PCDHGB5: variants seen among roughly 807,000 people sequenced by gnomAD.
PCDHGB5 encodes protocadherin gamma subfamily B, 5.
In PCDHGB5, 48 loss-of-function variants were observed where a neutral mutation model predicts 62.9. The ratio of observed to expected loss-of-function variants is 0.76; its 90% CI spans 0.61 to 0.97. PCDHGB5 has a LOEUF of 0.97. Ranked by LOEUF, PCDHGB5 falls within the 50% of genes least tolerant of loss-of-function variation. PCDHGB5 has a pLI of 0.00. For missense variants in PCDHGB5, 1,118 were observed against 1,198.6 expected, an observed-to-expected ratio of 0.93 and a Z score of 0.99; for synonymous variants, 474 against 511.2, an observed-to-expected ratio of 0.93 and a Z score of 0.98.
At chr5:141,497,719 T>C (rs1311566820) in intron 2 of PCDHGB5, among the ~76,000 whole-genome samples, 2 of 152,076 alleles carry the variant, frequency 1.3e-5, no homozygotes, top group Non-Finnish European at 2.9e-5. Context: ...TTTGTATTTT[T>C]AGTAGAGATG....
intron 1 of PCDHGB5, among the ~76,000 whole-genome samples, chr5:141,492,968 C>T: frequency 6.6e-6 from 1 of 152,240 alleles, no homozygotes; most frequent in East Asian, 1.9e-4. Flanking sequence ...GACACTCTAA[C>T]AAGTCCTGTC....
intron 2 of PCDHGB5, among the ~76,000 whole-genome samples, chr5:141,503,568 C>T (rs1357099545): frequency 6.9e-6 from 1 of 144,390 alleles, no homozygotes; most frequent in Non-Finnish European, 1.5e-5. Context: ...CACTGTACTC[C>T]AGCCTGGGTG....
intron 1 of PCDHGB5, among the ~76,000 whole-genome samples, chr5:141,429,759 C>T (rs1233949322): frequency 6.6e-6 from 1 of 151,946 alleles, no homozygotes; most frequent in East Asian, 1.9e-4. Flanking sequence ...GAATTTTTTC[C>T]CTATATTTTG....
chr5:141,463,135 C>G (rs1352400365), intron 1 of PCDHGB5, among the ~76,000 whole-genome samples: 1 of 152,128 alleles, frequency 6.6e-6, no homozygotes, highest in African/African-American at 2.4e-5. Flanking sequence ...GGCAGTTCTT[C>G]GCCCAGCTGC....
At chr5:141,509,544 A>AT (rs1312201678) in intron 3 of PCDHGB5, among the ~76,000 whole-genome samples, 1 of 152,150 alleles carries the variant, frequency 6.6e-6, no homozygotes, top group Non-Finnish European at 1.5e-5. Context: ...GCACCATCTC[A>AT]TTTAGTCCTC....
Position 141,398,155 on chromosome 5 carries a change from C to G in PCDHGB5, c.28C>G (p.Arg10Gly), listed in dbSNP as rs1238092530. Residue 10 changes from arginine (R) to glycine (G), a missense_variant, in exon 1 of 4, where the codon CGG (arginine) becomes GGG (glycine). By Grantham distance (125) the Arg-to-Gly change is moderately radical. Transcript: ENST00000617380. Reference sequence around the variant, plus strand: ...GGGGAGCGGCGCCGGGGAGCTGGGCCGGGCTGAGAGGCTGCCAGTGCTCTT... The same window carrying G: ...GGGGAGCGGCGCCGGGGAGCTGGGCGGGGCTGAGAGGCTGCCAGTGCTCTT... MGSGAGELG[R>G]AERLPVLFLF... The G allele has an allele frequency of 1.3e-5, 19 of 1,492,684 alleles. No homozygotes were observed. The highest frequency in any genetic ancestry group is 1.7e-5 in the Non-Finnish European group (19 of 1,125,496). The allele number at this position is 1,492,684 out of a possible 1,614,324, so 92.5% of individuals were successfully genotyped here.
Position 141,400,090 on chromosome 5 carries a change from A to G in PCDHGB5, c.1963A>G (p.Thr655Ala). 1 of 1,614,064 alleles carries G rather than the reference A, an allele frequency of 6.2e-7. No individual in the cohort carries two copies. Among genetic ancestry groups the G allele is most frequent in the Non-Finnish European group, 8.5e-7 (1 of 1,179,902 alleles). ...ACAGCCGCCACTCTCCGCCACCGCC[A>G]CGCTGCACTTGGTCTTTGCTGACAG... The part of the protein sequence containing the change: ...GGQPPLSATA[T>A]LHLVFADSLQ... Residue 655 changes from threonine to alanine, a missense_variant, in exon 1 of 4, where the codon ACG becomes GCG. Physicochemically the swap from Thr to Ala is moderately conservative, Grantham distance 58. Transcript: ENST00000617380.
At chr5:141,410,583 G>A (rs1257322419) in intron 1 of PCDHGB5, 1 of 1,610,052 alleles carries the variant, frequency 6.2e-7, no homozygotes, top group African/African-American at 1.3e-5. Context: ...CCTCATGGTG[G>A]GGAGGATTTG....
Position 141,476,977 on chromosome 5 carries a change from C to A in PCDHGB5, c.2398-17830C>A, listed in dbSNP as rs141692339. On this transcript the variant is annotated intron_variant, in intron 1 of 3. Coordinates refer to ENST00000617380, the MANE Select transcript of PCDHGB5 (RefSeq NM_018925.3). The surrounding 1 kb of genome is among the most constrained non-coding windows in gnomAD (Gnocchi z 7.6). The stretch of plus-strand genomic sequence containing the variant: ...TTATTTACTCCTTCGGCAGCCACAA[C>A]CGCGCCGGCGTGCGGCAACTATTCG... 6.2e-7 allele frequency: 1 copy of A among 1,614,232 alleles called. No individual in the cohort carries two copies. The highest frequency in any genetic ancestry group is 8.5e-7 in the Non-Finnish European group (1 of 1,180,040).
chr5:141,427,829 G>C, intron 1 of PCDHGB5: 1 of 1,538,520 alleles, frequency 6.5e-7, no homozygotes. Flanking sequence ...TGGTCGCGCA[G>C]CGTGCCTTCG....
chr5:141,422,239 G>C (rs2096636040), intron 1 of PCDHGB5: 3 of 1,566,586 alleles, frequency 1.9e-6, no homozygotes, highest in East Asian at 4.5e-5. Context: ...GTTGATCACT[G>C]TTGTGGATGT....
At position 141,399,872 on chromosome 5, in the gene PCDHGB5, A is replaced by G. The variant is rs759178048; in HGVS notation, c.1745A>G (p.Tyr582Cys). Reference sequence around the variant, plus strand: ...GTGCCGCGCGCTGCAGAGCCCGGCTACCTGGTGACCAAGGTAGTGGCCGTG... The same window carrying G: ...GTGCCGCGCGCTGCAGAGCCCGGCTGCCTGGTGACCAAGGTAGTGGCCGTG... ...DMVPRAAEPG[Y>C]LVTKVVAVDA... The change falls in exon 1 of 4, where the codon TAC becomes TGC. Residue 582 changes from tyrosine (Y) to cysteine (C), a missense_variant. Tyr to Cys is a radical substitution (Grantham distance 194, BLOSUM62 -2). This residue lies in a region of PCDHGB5 where 1,034 missense variants were observed against 1,029.1 expected (regional missense o/e 1.00). Transcript: ENST00000617380. The G allele has an allele frequency of 1.2e-6, 2 of 1,612,652 alleles. No individual in the cohort carries two copies. The highest frequency in any genetic ancestry group is 1.7e-6 in the Non-Finnish European group (2 of 1,179,800).
At position 141,490,649 on chromosome 5, in the gene PCDHGB5, G is replaced by C. The variant is rs1428223995; in HGVS notation, c.2398-4158G>C. 1 of 1,614,148 alleles carries C rather than the reference G, an allele frequency of 6.2e-7. No homozygotes were observed. Among genetic ancestry groups the C allele is most frequent in the Admixed American group, 1.7e-5 (1 of 60,018 alleles). On this transcript the variant is annotated intron_variant, in intron 1 of 3. Coordinates refer to ENST00000617380, the MANE Select transcript of PCDHGB5 (RefSeq NM_018925.3). The surrounding 1 kb of genome is among the most constrained non-coding windows in gnomAD (Gnocchi z 5.4). ...TACATCCTAGAAAACCGGCCTCCGG[G>C]CTCCCTTCTTTGCACTGTGGCTGCC...
chr5:141,475,202 G>T (rs746895166), intron 1 of PCDHGB5, among the ~76,000 whole-genome samples: 38 of 152,086 alleles, frequency 2.5e-4, no homozygotes, highest in Non-Finnish European at 5.3e-4. Context: ...CAAGATCTTG[G>T]GAAAAGGATT....
chr5:141,406,477 A>G (rs1233914824), intron 1 of PCDHGB5, among the ~76,000 whole-genome samples: 1 of 152,166 alleles, frequency 6.6e-6, no homozygotes, highest in Non-Finnish European at 1.5e-5. Flanking sequence ...TTGAGGTTAT[A>G]TTTTTCAGAT....
chr5:141,423,756 GGGGGTGGGGC>G, intron 1 of PCDHGB5: 1 of 448,620 alleles, frequency 2.2e-6, no homozygotes, highest in Non-Finnish European at 3.0e-6. Context: ...TGTTTGGGGG[GGGGGTGGGGC>G]GGCATATATT....
In PCDHGB5 at chr5:141,485,576, C is replaced by T. The variant is rs1347032247; in HGVS notation, c.2398-9231C>T. ...GAATGATCACGCCCCCCGTTTTCCG[C>T]GGCAGCAGCTGGACTTGGAAATTGG... On this transcript the variant is annotated intron_variant, in intron 1 of 3. Transcript: ENST00000617380. The surrounding 1 kb of genome is among the most constrained non-coding windows in gnomAD (Gnocchi z 5.7). 21 of 1,612,296 alleles carry T rather than the reference C, an allele frequency of 1.3e-5. 1 individual carries two copies. Among genetic ancestry groups the T allele is most frequent in the Non-Finnish European group, 1.8e-5 (21 of 1,178,636 alleles).
At position 141,489,088 on chromosome 5, in the gene PCDHGB5, GAC is replaced by G; in HGVS notation, c.2398-5718_2398-5717del. 5.8e-6 allele frequency: 2 copies of G among 347,236 alleles called. No homozygotes were observed. The highest frequency in any genetic ancestry group is 4.7e-5 in the East Asian group (1 of 21,502). The allele number at this position is 347,236 out of a possible 1,614,324, so 21.5% of individuals were successfully genotyped here. A position where few individuals can be genotyped will look rare whatever the true frequency, so the allele number is the denominator to read the frequency against. ...CCCCTGCCCACCCCCGCCACTCGGT[GAC>G]TAAGAACTGCTGCAAGCAGGCAAAC... On this transcript the variant is annotated intron_variant, in intron 1 of 3. Transcript: ENST00000617380. The surrounding 1 kb of genome is among the most constrained non-coding windows in gnomAD (Gnocchi z 4.5).
At chr5:141,427,570 C>T (rs1487817661) in intron 1 of PCDHGB5, 1 of 662,270 alleles carries the variant, frequency 1.5e-6, no homozygotes, top group Admixed American at 2.1e-5. Context: ...GGCAAGCCTC[C>T]GCTCTCATCC....
Sources: gnomAD v4.1 joint callset for allele counts (sites outside exome capture counted in the v4.1 genomes callset) on GRCh38, gnomAD v4.1.1 for gene constraint, gnomAD v4.1.1 regional missense constraint, Gnocchi (gnomAD v3.1) non-coding constraint, MANE v1.5 for transcripts, NCBI Gene and HGNC (gene_info 2026-07-23, HGNC 2026-07-21) for gene names.